The following BRINP1 variants were observed in gnomAD, a reference collection of about 807,000 sequenced individuals.
BRINP1 encodes the protein BMP/retinoic acid inducible neural specific 1.
In BRINP1, 17 loss-of-function variants were observed where a neutral mutation model predicts 72.9. The observed-to-expected ratio is 0.23, with a 90% CI of 0.16 to 0.35. The LOEUF (loss-of-function observed/expected upper bound fraction) is 0.35, where lower values mean the gene tolerates loss of function less well. BRINP1 is among the 10% of genes least tolerant of loss of function. The pLI is 1.00. For missense variants in BRINP1, 850 were observed against 1,001.6 expected, an observed-to-expected ratio of 0.85 and a Z score of 2.04; for synonymous variants, 418 against 378.5, an observed-to-expected ratio of 1.10 and a Z score of -1.21.
intron 2 of BRINP1, among the ~76,000 whole-genome samples, chr9:119,292,358 A>G (rs1320926140): frequency 6.6e-6 from 1 of 152,220 alleles, no homozygotes; most frequent in Non-Finnish European, 1.5e-5. Context: ...CATAAGCTAT[A>G]TGTACTTTTA....
At chr9:119,276,786 C>T (rs1257710440) in intron 2 of BRINP1, among the ~76,000 whole-genome samples, 1 of 152,144 alleles carries the variant, frequency 6.6e-6, no homozygotes. Context: ...GATTTAAATT[C>T]TTTGTCTTAA....
intron 7 of BRINP1, among the ~76,000 whole-genome samples, chr9:119,197,331 C>T (rs1829748931): frequency 6.6e-6 from 1 of 152,162 alleles, no homozygotes; most frequent in Non-Finnish European, 1.5e-5. Context: ...TCTCTTGCAG[C>T]ATTTCCCTTT....
At chr9:119,229,714 C>T (rs1215742451) in intron 5 of BRINP1, among the ~76,000 whole-genome samples, 1 of 152,048 alleles carries the variant, frequency 6.6e-6, no homozygotes, top group Non-Finnish European at 1.5e-5. Context: ...CAATGTAGCA[C>T]AGAGAATGGC....
intron 5 of BRINP1, among the ~76,000 whole-genome samples, chr9:119,232,958 T>G (rs978272887): frequency 6.6e-6 from 1 of 152,138 alleles, no homozygotes; most frequent in Non-Finnish European, 1.5e-5. Flanking sequence ...TGACTACTAA[T>G]AGCCTCTGAT....
intron 6 of BRINP1, 148 bp from the exon 7 acceptor site, chr9:119,209,089 T>G (rs908098464): frequency 4.0e-5 from 25 of 631,884 alleles, no homozygotes; most frequent in Non-Finnish European, 3.8e-5. Context: ...TGCATTAGTC[T>G]GTCCTGCCCC....
intron 5 of BRINP1, among the ~76,000 whole-genome samples, chr9:119,222,734 G>T (rs1028381997): frequency 2.0e-5 from 3 of 151,870 alleles, no homozygotes; most frequent in African/African-American, 7.3e-5. Context: ...TGATTAGAGG[G>T]GTTGGGCCAG....
At chr9:119,192,810 A>G (rs2118852374) in intron 7 of BRINP1, among the ~76,000 whole-genome samples, 1 of 152,222 alleles carries the variant, frequency 6.6e-6, no homozygotes, top group African/African-American at 2.4e-5. Context: ...ATTAACTGCA[A>G]TATTATTCAC....
intron 1 of BRINP1, among the ~76,000 whole-genome samples, chr9:119,317,091 AAAAAT>A (rs890951565): frequency 4.0e-5 from 6 of 149,338 alleles, no homozygotes; most frequent in East Asian, 3.9e-4. Context: ...TTCCATCTCA[AAAAAT>A]AAAATAAAAT....
At chr9:119,255,752 A>C (rs1830439540) in intron 2 of BRINP1, among the ~76,000 whole-genome samples, 2 of 151,948 alleles carry the variant, frequency 1.3e-5, no homozygotes. Context: ...TCAGGAGTTC[A>C]AGACCAGCCT....
intron 3 of BRINP1, 56 bp from the exon 4 acceptor site, chr9:119,242,272 C>T: frequency 6.0e-6 from 3 of 500,578 alleles, no homozygotes; most frequent in South Asian, 5.2e-5. Flanking sequence ...TGTGAGAGGA[C>T]AGGGATGGGA....
chr9:119,179,214 T>G (rs1829525307), intron 7 of BRINP1, among the ~76,000 whole-genome samples: 2 of 152,006 alleles, frequency 1.3e-5, no homozygotes, highest in African/African-American at 2.4e-5. Flanking sequence ...GAGAAGCAGG[T>G]TTTAAAGTGC....
At chr9:119,229,365 T>C (rs1830125626) in intron 5 of BRINP1, among the ~76,000 whole-genome samples, 1 of 152,100 alleles carries the variant, frequency 6.6e-6, no homozygotes. Flanking sequence ...CTTACATGCA[T>C]AATACAACAA....
intron 1 of BRINP1, among the ~76,000 whole-genome samples, chr9:119,333,992 A>C (rs1169374302): frequency 6.6e-6 from 1 of 151,936 alleles, no homozygotes; most frequent in African/African-American, 2.4e-5. Flanking sequence ...TTTTTGTGAA[A>C]CTCCAAAGGA....
intron 5 of BRINP1, 28 bp from the exon 6 acceptor site, chr9:119,214,183 C>A: frequency 1.3e-6 from 2 of 1,542,664 alleles, no homozygotes; most frequent in African/African-American, 1.4e-5. Context: ...GAAGGGAAAA[C>A]AGAAAGGTTT....
At chr9:119,178,877 C>T (rs1011021064) in intron 7 of BRINP1, among the ~76,000 whole-genome samples, 33 of 151,942 alleles carry the variant, frequency 2.2e-4, no homozygotes, top group African/African-American at 8.0e-4. Context: ...AAGCAAGACA[C>T]AAGAAAAGAA....
intron 7 of BRINP1, among the ~76,000 whole-genome samples, chr9:119,204,579 T>A (rs1829833839): frequency 6.6e-6 from 1 of 152,170 alleles, no homozygotes; most frequent in Non-Finnish European, 1.5e-5. Context: ...AAGAAATTAG[T>A]TAATCTCATA....
chr9:119,238,311 G>A (rs971065158), intron 5 of BRINP1, among the ~76,000 whole-genome samples: 5 of 152,022 alleles, frequency 3.3e-5, no homozygotes, highest in African/African-American at 1.2e-4. Flanking sequence ...TTAAAATAAT[G>A]TATATGGAGC....
intron 7 of BRINP1, among the ~76,000 whole-genome samples, chr9:119,177,699 C>T (rs1296502950): frequency 6.6e-6 from 1 of 152,104 alleles, no homozygotes; most frequent in African/African-American, 2.4e-5. Flanking sequence ...TCAGAATCCT[C>T]GGTGAGGGAA....
intron 7 of BRINP1, among the ~76,000 whole-genome samples, chr9:119,176,684 C>T (rs955373139): frequency 1.3e-5 from 2 of 152,044 alleles, no homozygotes; most frequent in African/African-American, 4.8e-5. Flanking sequence ...AGAGCAATTA[C>T]GGAAAAGGTA....
Sources: gnomAD v4.1 joint callset for allele counts (sites outside exome capture counted in the v4.1 genomes callset) on GRCh38, gnomAD v4.1.1 for gene constraint, MANE v1.5 for transcripts, NCBI Gene and HGNC (gene_info 2026-07-23, HGNC 2026-07-21) for gene names.